Variants in STEAP2 observed in about 807,000 individuals in gnomAD.
The protein encoded by STEAP2 is STEAP2 metalloreductase.
In STEAP2, 30 loss-of-function variants were observed where a neutral mutation model predicts 46.4. The ratio of observed to expected loss-of-function variants is 0.65; its 90% CI spans 0.48 to 0.88. The LOEUF is 0.88. Ranked by LOEUF, STEAP2 falls within the 40% of genes least tolerant of loss-of-function variation. The pLI is 0.00. For missense variants in STEAP2, 513 were observed against 579.3 expected (o/e 0.89, Z 1.18); for synonymous variants, 180 against 200.5 (o/e 0.90, Z 0.86).
rs1245705464 is a variant in STEAP2 at position 90,233,273 on chromosome 7, C to T, written c.*649C>T. On this transcript the variant is annotated 3_prime_UTR_variant, in exon 6 of 6. Coordinates refer to ENST00000394621, the MANE Select transcript of STEAP2 (RefSeq NM_001244944.2). ...AGACATGAAATACATACTGATAATA[C>T]ATACCTCATGAAAGATTTTATTCTT... 2 of 940,186 alleles carry T rather than the reference C, an allele frequency of 2.1e-6. No homozygotes were observed. Among genetic ancestry groups the T allele is most frequent in the Non-Finnish European group, 2.5e-6 (2 of 788,982 alleles). 58.2% of individuals were successfully genotyped at this position (940,186 alleles called of 1,614,324 possible).
At position 90,235,477 on chromosome 7, in the gene STEAP2, A is replaced by C; in HGVS notation, c.*2853A>C. The C allele has an allele frequency of 1.0e-6, 1 of 985,356 alleles. No individual in the cohort carries two copies. Among genetic ancestry groups the C allele is most frequent in the Non-Finnish European group, 1.2e-6 (1 of 829,890 alleles). 61.0% of individuals were successfully genotyped at this position (985,356 alleles called of 1,614,324 possible). On this transcript the variant is annotated 3_prime_UTR_variant, in exon 6 of 6. Transcript: ENST00000394621. ...TCTTCTGGCCTCAGAAGTAGGACTG[A>C]ATTCTACTATTGCTAGGTGTGAGAA...
At chr7:90,219,455 G>A (rs1388724677) in intron 2 of STEAP2, among the ~76,000 whole-genome samples, 1 of 151,934 alleles carries the variant, frequency 6.6e-6, no homozygotes, top group African/African-American at 2.4e-5. Flanking sequence ...ATTATGTGAA[G>A]CATATTTTTT....
chr7:90,222,752 T>A (rs1795303504), intron 2 of STEAP2, among the ~76,000 whole-genome samples: 2 of 152,210 alleles, frequency 1.3e-5, no homozygotes, highest in South Asian at 4.1e-4. Flanking sequence ...AACATACTGA[T>A]GTATTTGGAG....
intron 2 of STEAP2, among the ~76,000 whole-genome samples, chr7:90,222,102 C>T (rs986614913): frequency 3.3e-5 from 5 of 152,088 alleles, no homozygotes; most frequent in African/African-American, 1.2e-4. Context: ...CATTAACTTT[C>T]GAATGAAGTG....
At chr7:90,223,293 A>G (rs931548801) in intron 2 of STEAP2, among the ~76,000 whole-genome samples, 1 of 152,144 alleles carries the variant, frequency 6.6e-6, no homozygotes, top group Non-Finnish European at 1.5e-5. Flanking sequence ...GGTGGCTCCC[A>G]CACACACAGC....
intron 4 of STEAP2, among the ~76,000 whole-genome samples, chr7:90,229,405 A>G (rs1470616336): frequency 1.3e-5 from 2 of 152,180 alleles, no homozygotes; most frequent in Admixed American, 6.6e-5. Context: ...TGATGGAAGA[A>G]GATACTGACA....
chr7:90,242,927 A>C (rs1796081112), downstream of STEAP2, among the ~76,000 whole-genome samples: 1 of 152,232 alleles, frequency 6.6e-6, no homozygotes, highest in African/African-American at 2.4e-5. Flanking sequence ...AGAGGGGTCA[A>C]CAGTGTAAAA....
At chr7:90,226,617 A>G (rs1037276883) in intron 3 of STEAP2, among the ~76,000 whole-genome samples, 1 of 152,184 alleles carries the variant, frequency 6.6e-6, no homozygotes, top group Non-Finnish European at 1.5e-5. Flanking sequence ...AAATATTTCT[A>G]TGTGGTCTAT....
chr7:90,232,761 G>T lies in STEAP2; in HGVS notation c.*137G>T. ...TAAATGAGATTTCAACTGACTTAGT[G>T]ATAGAGTTTTCTTCAAGTTAATTTT... On this transcript the variant is annotated 3_prime_UTR_variant, in exon 6 of 6. Coordinates refer to ENST00000394621, the MANE Select transcript of STEAP2 (RefSeq NM_001244944.2). 7.5e-7 allele frequency: 1 copy of T among 1,330,318 alleles called. No homozygotes were observed. The highest frequency in any genetic ancestry group is 9.6e-7 in the Non-Finnish European group (1 of 1,040,292). 82.4% of individuals were successfully genotyped at this position (1,330,318 alleles called of 1,614,324 possible).
At chr7:90,219,035 T>G (rs147804111) in intron 2 of STEAP2, among the ~76,000 whole-genome samples, 235 of 152,264 alleles carry the variant, frequency 1.5e-3, no homozygotes, top group African/African-American at 5.4e-3. Context: ...TTTTGTTTTT[T>G]TTATAGCTAT....
rs1354456411 is a variant in STEAP2, at chr7:90,235,600, C to T, written c.*2976C>T. 1 of 967,382 alleles carries T rather than the reference C, an allele frequency of 1.0e-6. No individual in the cohort carries two copies. The allele number at this position is 967,382 out of a possible 1,614,324, so 59.9% of individuals were successfully genotyped here. On this transcript the variant is annotated 3_prime_UTR_variant, in exon 6 of 6. Coordinates refer to ENST00000394621, the MANE Select transcript of STEAP2 (RefSeq NM_001244944.2). ...GTTAAAAGAATGTAGAAAAGATACT[C>T]AGTCTTAATCCTATGCAAAAAAAAA...
intron 3 of STEAP2, among the ~76,000 whole-genome samples, chr7:90,226,296 A>G (rs1341957723): frequency 6.6e-6 from 1 of 152,162 alleles, no homozygotes; most frequent in Non-Finnish European, 1.5e-5. Flanking sequence ...AATTTGTATT[A>G]TGTAGCATTT....
intron 4 of STEAP2, 92 bp downstream of exon 4, chr7:90,227,590 G>A: frequency 1.6e-6 from 2 of 1,260,464 alleles, no homozygotes; most frequent in Non-Finnish European, 2.1e-6. Flanking sequence ...GCCCTGTAAT[G>A]GAAATTTGAT....
rs899398820 is a variant in STEAP2 at position 90,234,954 on chromosome 7, G to A, written c.*2330G>A. The A allele has an allele frequency of 3.6e-5, 35 of 981,854 alleles. No homozygotes were observed. The African/African-American group carries it at 5.1e-4, about 14-fold the overall frequency. 60.8% of individuals were successfully genotyped at this position (981,854 alleles called of 1,614,324 possible). On this transcript the variant is annotated 3_prime_UTR_variant, in exon 6 of 6. Coordinates refer to ENST00000394621, the MANE Select transcript of STEAP2 (RefSeq NM_001244944.2). ...TTAGTTCTTGGTAGGAATTCAGTTG[G>A]GCAATGATAACTTTTATGGGCAAAA...
chr7:90,216,746 G>GTGA (rs1159673034), intron 2 of STEAP2, 143 bp downstream of exon 2: 1 of 152,182 alleles, frequency 6.6e-6, no homozygotes, highest in East Asian at 1.9e-4. Flanking sequence ...TTTTACTAGA[G>GTGA]TGATTTTCAA....
chr7:90,232,502 C>A lies in STEAP2; in HGVS notation c.1351C>A (p.Leu451Ile). ...AATTCTGGGTAAGATTATTTTATTCCTTCCATGTATAAGCCGAAAGCTAAA... is the reference window on the plus strand; with the variant it reads ...AATTCTGGGTAAGATTATTTTATTCATTCCATGTATAAGCCGAAAGCTAAA... Reference protein sequence around the residue: ...IVILGKIILFLPCISRKLKRI... With the variant: ...IVILGKIILFIPCISRKLKRI... Residue 451 changes from leucine to isoleucine, a missense_variant, in exon 6 of 6, where the codon CTT becomes ATT. Coordinates refer to ENST00000394621, the MANE Select transcript of STEAP2 (RefSeq NM_001244944.2). 1 of 1,613,636 alleles carries A rather than the reference C, an allele frequency of 6.2e-7. No individual in the cohort carries two copies. Among genetic ancestry groups the A allele is most frequent in the Non-Finnish European group, 8.5e-7 (1 of 1,179,716 alleles).
chr7:90,226,980 T>C lies in STEAP2; in HGVS notation c.502T>C (p.Cys168Arg). 2 of 1,588,480 alleles carry C rather than the reference T, an allele frequency of 1.3e-6. No homozygotes were observed. The highest frequency in any genetic ancestry group is 8.5e-7 in the Non-Finnish European group (1 of 1,170,508). The change falls in exon 4 of 6, where the codon TGC becomes CGC. Residue 168 changes from cysteine to arginine, a missense_variant. Coordinates refer to ENST00000394621, the MANE Select transcript of STEAP2 (RefSeq NM_001244944.2). ...TTTGTTTTTTCCACAGGTTTATATATGCAGCAACAATATTCAAGCGCGACA... is the reference window on the plus strand; with the variant it reads ...TTTGTTTTTTCCACAGGTTTATATACGCAGCAACAATATTCAAGCGCGACA... ...PKDASRQVYI[C>R]SNNIQARQQV...
In STEAP2 at chr7:90,216,596, A is replaced by G. The variant is rs1795027637; in HGVS notation, c.-41A>G. The G allele has an allele frequency of 6.6e-6, 1 of 152,182 alleles. No individual in the cohort carries two copies. The highest frequency in any genetic ancestry group is 1.5e-5 in the Non-Finnish European group (1 of 68,026). The allele number at this position is 152,182 out of a possible 1,614,324, so 9.4% of individuals were successfully genotyped here. A position where few individuals can be genotyped will look rare whatever the true frequency, so the allele number is the denominator to read the frequency against. On this transcript the variant is annotated 5_prime_UTR_variant, in exon 2 of 6. The change creates a new upstream start codon in the 5' untranslated region. Coordinates refer to ENST00000394621, the MANE Select transcript of STEAP2 (RefSeq NM_001244944.2). ...GCATGCATATTATTCAGCGTCCTAT[A>G]TTCAAAGGTAACTACTACTCTTTCG...
At position 90,229,840 on chromosome 7, in the gene STEAP2, A is replaced by G. The variant is rs754713135; in HGVS notation, c.1021-32A>G. ...GCTGAATCAGTTAATGTTCTACTAA[A>G]TAAAGGAAATTCACATTCGCTTTCT... is the stretch of plus-strand genomic sequence containing the variant. On this transcript the variant is annotated intron_variant, in intron 4 of 5. Coordinates refer to ENST00000394621, the MANE Select transcript of STEAP2 (RefSeq NM_001244944.2). 2.5e-6 allele frequency: 4 copies of G among 1,605,492 alleles called. No individual in the cohort carries two copies. In the South Asian group the frequency reaches 4.5e-5, roughly 18 times the overall value.
Sources: gnomAD v4.1 joint callset for allele counts (sites outside exome capture counted in the v4.1 genomes callset) on GRCh38, gnomAD v4.1.1 for gene constraint, MANE v1.5 for transcripts, NCBI Gene and HGNC (gene_info 2026-07-23, HGNC 2026-07-21) for gene names.